The following SMARCA5 variants were observed in gnomAD, a reference collection of about 807,000 sequenced individuals.
SMARCA5 encodes the protein SNF2 related chromatin remodeling ATPase 5.
Under a neutral mutation model 140.4 loss-of-function variants are expected in SMARCA5, and 18 were observed. The observed-to-expected ratio is 0.13, with a 90% CI of 0.09 to 0.19. SMARCA5 has a LOEUF of 0.19. Among genes scored for constraint, SMARCA5 ranks in the 10% least tolerant of loss-of-function variants. SMARCA5 has a pLI of 1.00. For missense variants in SMARCA5, 606 were observed against 1,276.8 expected (o/e 0.47, Z 8.01); for synonymous variants, 449 against 419.6 (o/e 1.07, Z -0.86).
intron 4 of SMARCA5, among the ~76,000 whole-genome samples, chr4:143,525,075 T>G (rs1158425047): frequency 1.4e-5 from 2 of 143,044 alleles, no homozygotes; most frequent in African/African-American, 2.6e-5. Context: ...AGAAAGAAAA[T>G]AAAATCCCCA....
At chr4:143,517,722 C>T (rs1159206734) in intron 2 of SMARCA5, among the ~76,000 whole-genome samples, 1 of 152,128 alleles carries the variant, frequency 6.6e-6, no homozygotes, top group Admixed American at 6.5e-5. Flanking sequence ...TAACCTCCTC[C>T]TGAGATACTG....
Position 143,545,925 on chromosome 4 carries a change from G to A in SMARCA5, c.2398G>A (p.Val800Ile), listed in dbSNP as rs1350117709. The A allele has an allele frequency of 1.9e-6, 3 of 1,597,680 alleles. No homozygotes were observed. The highest frequency in any genetic ancestry group is 2.6e-6 in the Non-Finnish European group (3 of 1,175,380). ...LFYRKTIGYKVPRNPELPNAA... is the reference protein window; with the variant it reads ...LFYRKTIGYKIPRNPELPNAA... ...GATGGCATAGAAAAATATCTTTTAG[G>A]TACCTCGAAATCCTGAGCTGCCTAA... Residue 800 changes from valine (V) to isoleucine (I), a missense_variant and splice_region_variant, in exon 19 of 24, where the codon GTA (valine) becomes ATA (isoleucine). Val to Ile is a conservative substitution (Grantham distance 29). Coordinates refer to ENST00000283131, the MANE Select transcript of SMARCA5 (RefSeq NM_003601.4).
At chr4:143,549,059 TTTC>T (rs1380578202) in intron 22 of SMARCA5, among the ~76,000 whole-genome samples, 1 of 152,100 alleles carries the variant, frequency 6.6e-6, no homozygotes, top group Non-Finnish European at 1.5e-5. Context: ...TGAAAGCTTA[TTTC>T]TTCTTAAGTG....
At position 143,513,996 on chromosome 4, in the gene SMARCA5, C is replaced by G. The variant is rs1168087556; in HGVS notation, c.72C>G (p.Ile24Met). Reference protein sequence around the residue: ...ESAPSKPAASIASGGSNSSNK... With the variant: ...ESAPSKPAASMASGGSNSSNK... ...CGCCTTCCAAGCCCGCAGCCTCGAT[C>G]GCCAGCGGCGGGAGCAACAGCAGCA... The change falls in exon 1 of 24, where the codon ATC (isoleucine) becomes ATG (methionine). Residue 24 changes from isoleucine (I) to methionine (M), a missense_variant. By Grantham distance (10) the Ile-to-Met change is conservative (BLOSUM62 1). This residue lies in a region of SMARCA5 where 164 missense variants were observed against 128.4 expected (regional missense o/e 1.28). Transcript: ENST00000283131. 13 of 1,564,792 alleles carry G rather than the reference C, an allele frequency of 8.3e-6. No individual in the cohort carries two copies. Among genetic ancestry groups the G allele is most frequent in the Non-Finnish European group, 1.0e-5 (12 of 1,163,310 alleles).
chr4:143,517,814 G>A (rs1420363346), intron 2 of SMARCA5, among the ~76,000 whole-genome samples: 3 of 152,170 alleles, frequency 2.0e-5, no homozygotes, highest in Non-Finnish European at 4.4e-5. Context: ...CAACATGGGA[G>A]ATTTGGAGGG....
At chr4:143,549,863 AGTT>A in intron 22 of SMARCA5, 131 bp from the exon 23 acceptor site, 1 of 530,890 alleles carries the variant, frequency 1.9e-6, no homozygotes, top group South Asian at 2.1e-5. Context: ...TATGAAAATC[AGTT>A]GTTTTTTTTT....
chr4:143,536,232 C>T (rs1284377740), intron 10 of SMARCA5, among the ~76,000 whole-genome samples: 1 of 151,940 alleles, frequency 6.6e-6, no homozygotes, highest in East Asian at 1.9e-4. Flanking sequence ...TCCTCAAGGC[C>T]CAAGGCGTAA....
Position 143,544,141 on chromosome 4 carries a change from T to C in SMARCA5, c.2172+169T>C, listed in dbSNP as rs1737479888. On this transcript the variant is annotated intron_variant, in intron 16 of 23. Transcript: ENST00000283131. The stretch of plus-strand genomic sequence containing the variant: ...GTAAAATTTAATGCCAGTTTTTCAG[T>C]TGGTAAGCTCTGAAATATTTTTAAA... 3 of 419,916 alleles carry C rather than the reference T, an allele frequency of 7.1e-6. No homozygotes were observed. In the South Asian group the frequency reaches 2.2e-4, roughly 30 times the overall value. 26.0% of individuals were successfully genotyped at this position (419,916 alleles called of 1,614,324 possible).
chr4:143,540,581 C>T, intron 14 of SMARCA5, 86 bp downstream of exon 14: 1 of 1,269,474 alleles, frequency 7.9e-7, no homozygotes, highest in Non-Finnish European at 1.1e-6. Context: ...ATTCTTGTTA[C>T]TAAGCATCCA....
At chr4:143,521,639 C>T (rs377216367) in intron 3 of SMARCA5, 44 bp downstream of exon 3, 18 of 1,492,366 alleles carry the variant, frequency 1.2e-5, no homozygotes, top group Middle Eastern at 1.8e-4. Context: ...AACTTATTTT[C>T]GATAGTCTTC....
intron 3 of SMARCA5, among the ~76,000 whole-genome samples, chr4:143,522,631 T>TA (rs984668570): frequency 6.6e-6 from 1 of 152,144 alleles, no homozygotes; most frequent in Non-Finnish European, 1.5e-5. Flanking sequence ...TTTTAATACT[T>TA]ACGAAACTTT....
In SMARCA5 at chr4:143,557,277, A is replaced by G. The variant is rs1737779098; in HGVS notation, c.*4093A>G. 6.6e-6 allele frequency: 1 copy of G among 152,242 alleles called. No homozygotes were observed. The highest frequency in any genetic ancestry group is 2.1e-4 in the South Asian group (1 of 4,834). The allele number at this position is 152,242 out of a possible 1,614,324, so 9.4% of individuals were successfully genotyped here. On this transcript the variant is annotated 3_prime_UTR_variant, in exon 24 of 24. Coordinates refer to ENST00000283131, the MANE Select transcript of SMARCA5 (RefSeq NM_003601.4). ...TATCAGAATTTAGTTAATGTTGGAA[A>G]CTTTGTAATATAAACAATGTAAACA... is the stretch of plus-strand genomic sequence containing the variant.
At position 143,538,583 on chromosome 4, in the gene SMARCA5, C is replaced by T. The variant is rs1161148755; in HGVS notation, c.1496-7C>T. 41 of 1,611,336 alleles carry T rather than the reference C, an allele frequency of 2.5e-5. No individual in the cohort carries two copies. Among genetic ancestry groups the T allele is most frequent in the Non-Finnish European group, 3.4e-5 (40 of 1,178,102 alleles). On this transcript the variant is annotated splice_region_variant and splice_polypyrimidine_tract_variant and intron_variant, in intron 11 of 23. Transcript: ENST00000283131. ...CACTGATAATAGATTGTTATATTCC[C>T]CAACAGGTTCACGAGTACTAATCTT...
At chr4:143,543,435 T>TA (rs1367495171) in intron 14 of SMARCA5, 74 bp from the exon 15 acceptor site, 8 of 1,193,388 alleles carry the variant, frequency 6.7e-6, no homozygotes, top group Admixed American at 2.2e-5. Context: ...CATTAAACCT[T>TA]ACATTTAAAG....
At chr4:143,553,082 T>TAAACATGTGAAA in intron 23 of SMARCA5, 37 bp from the exon 24 acceptor site, 1 of 1,477,020 alleles carries the variant, frequency 6.8e-7, no homozygotes, top group South Asian at 1.1e-5. Flanking sequence ...ATGTTTATAT[T>TAAACATGTGAAA]AGTCTTGTGA....
intron 23 of SMARCA5, among the ~76,000 whole-genome samples, chr4:143,552,730 TA>T (rs1206946863): frequency 6.6e-6 from 1 of 152,028 alleles, no homozygotes. Flanking sequence ...GTTAATTTAA[TA>T]AAAAATGGTT....
Position 143,513,984 on chromosome 4 carries a change from C to A in SMARCA5, c.60C>A (p.Pro20=), listed in dbSNP as rs913062691. 19 of 1,561,958 alleles carry A rather than the reference C, an allele frequency of 1.2e-5. No homozygotes were observed. The East Asian group carries it at 4.2e-4, about 35-fold the overall frequency. ...PPPPESAPSK[P]AASIASGGSN... Reference sequence around the variant, plus strand: ...CTCCCGAGAGCGCGCCTTCCAAGCCCGCAGCCTCGATCGCCAGCGGCGGGA... The same window carrying A: ...CTCCCGAGAGCGCGCCTTCCAAGCCAGCAGCCTCGATCGCCAGCGGCGGGA... Residue 20 remains proline (P), a synonymous_variant, in exon 1 of 24, where the codon CCC becomes CCA. Coordinates refer to ENST00000283131, the MANE Select transcript of SMARCA5 (RefSeq NM_003601.4).
chr4:143,530,530 A>G lies in SMARCA5; in HGVS notation c.1158+4A>G, dbSNP rs534639778. The G allele has an allele frequency of 1.6e-5, 26 of 1,590,462 alleles. 1 individual carries two copies. The highest frequency in any genetic ancestry group is 1.6e-4 in the African/African-American group (12 of 74,444). Reference sequence around the variant, plus strand: ...ACTAGTTGAGAGGCTTCATATGGTAAGTATTTTGGAGTAGTGTTAAAGCAT... The same window carrying G: ...ACTAGTTGAGAGGCTTCATATGGTAGGTATTTTGGAGTAGTGTTAAAGCAT... On this transcript the variant is annotated splice_donor_region_variant and intron_variant, in intron 9 of 23. Coordinates refer to ENST00000283131, the MANE Select transcript of SMARCA5 (RefSeq NM_003601.4).
chr4:143,526,495 T>A, intron 6 of SMARCA5, 35 bp downstream of exon 6: 1 of 1,451,082 alleles, frequency 6.9e-7, no homozygotes, highest in Non-Finnish European at 9.6e-7. Flanking sequence ...TTTTTGAGGC[T>A]AAAATAATTT....
Sources: gnomAD v4.1 joint callset for allele counts (sites outside exome capture counted in the v4.1 genomes callset) on GRCh38, gnomAD v4.1.1 for gene constraint, gnomAD v4.1.1 regional missense constraint, MANE v1.5 for transcripts, NCBI Gene and HGNC (gene_info 2026-07-23, HGNC 2026-07-21) for gene names.